Variants in ZHX2 observed in about 807,000 individuals in gnomAD.
ZHX2 encodes zinc fingers and homeoboxes 2, also known as zinc fingers and homeoboxes protein 2.
A neutral mutation model predicts 21.9 loss-of-function variants in ZHX2; 6 were observed. The ratio of observed to expected loss-of-function variants is 0.27; its 90% CI spans 0.15 to 0.54. ZHX2 has a LOEUF of 0.54. Ranked by LOEUF, ZHX2 falls within the 20% of genes least tolerant of loss-of-function variation. The probability of loss-of-function intolerance (pLI) is 0.95; values close to 1 mark genes in which losing one functional copy is unlikely to be tolerated. For synonymous variants in ZHX2, 434 were observed against 437.1 expected, an observed-to-expected ratio of 0.99 and a Z score of 0.09; for missense variants, 908 against 1,090.7, an observed-to-expected ratio of 0.83 and a Z score of 2.36.
At chr8:122,916,101 T>C (rs960009862) in intron 2 of ZHX2, among the ~76,000 whole-genome samples, 1 of 152,214 alleles carries the variant, frequency 6.6e-6, no homozygotes, top group Non-Finnish European at 1.5e-5. Flanking sequence ...GAAGTGCAAA[T>C]GGCAGGTGTT....
In ZHX2 at chr8:122,782,703, G is replaced by T. The variant is rs1332756027; in HGVS notation, c.-283+757G>T. ...GGAGCGCGGCGCTGTCCTCACCCCC[G>T]CTCAGGTGCAGGGGGAGTCCGCGCG... On this transcript the variant is annotated intron_variant, in intron 1 of 3. Transcript: ENST00000314393. The surrounding 1 kb of genome is among the most constrained non-coding windows in gnomAD (Gnocchi z 5.3). Among the ~76,000 whole-genome samples, 2 of 152,052 alleles carry T rather than the reference G, an allele frequency of 1.3e-5. No individual in the cohort carries two copies. The highest frequency in any genetic ancestry group is 4.8e-5 in the African/African-American group (2 of 41,438).
intron 1 of ZHX2, among the ~76,000 whole-genome samples, chr8:122,846,619 T>C (rs1386142085): frequency 2.7e-5 from 4 of 150,390 alleles, no homozygotes; most frequent in Admixed American, 6.6e-5. Context: ...GTGATTCTCT[T>C]TTTTTTTTAA....
chr8:122,892,457 C>T (rs1243260548), intron 2 of ZHX2, among the ~76,000 whole-genome samples: 1 of 152,070 alleles, frequency 6.6e-6, no homozygotes, highest in Non-Finnish European at 1.5e-5. Flanking sequence ...TGACTCCCAT[C>T]ATTTTGTTAA....
chr8:122,842,863 A>C (rs1818670424), intron 1 of ZHX2, among the ~76,000 whole-genome samples: 1 of 152,250 alleles, frequency 6.6e-6, no homozygotes, highest in Non-Finnish European at 1.5e-5. Flanking sequence ...TGGGGTTCTC[A>C]AACTCAGTGG....
Position 122,847,086 on chromosome 8 carries a change from C to T in ZHX2, c.-282-16391C>T, listed in dbSNP as rs139556137. 2.6e-5 allele frequency among the ~76,000 whole-genome samples: 4 copies of T among 152,270 alleles called. No individual in the cohort carries two copies. The East Asian group carries it at 7.7e-4, about 29-fold the overall frequency. Reference sequence around the variant, plus strand: ...TGAGGCATGATGAGGCTGTGATGTCCCCACGCTCAGTAGTGGAATCAATTT... The same window carrying T: ...TGAGGCATGATGAGGCTGTGATGTCTCCACGCTCAGTAGTGGAATCAATTT... On this transcript the variant is annotated intron_variant, in intron 1 of 3. Transcript: ENST00000314393.
chr8:122,943,190 G>A (rs1044959716), intron 2 of ZHX2, among the ~76,000 whole-genome samples: 3 of 152,086 alleles, frequency 2.0e-5, no homozygotes, highest in African/African-American at 4.8e-5. Flanking sequence ...TGAGCCCGGA[G>A]TGTGGAGGTT....
intron 3 of ZHX2, among the ~76,000 whole-genome samples, chr8:122,959,198 CCTGATGATTAGGGATGA>C (rs1456726530): frequency 1.3e-5 from 2 of 152,174 alleles, no homozygotes; most frequent in East Asian, 3.8e-4. Context: ...GTTTCCAACT[CCTGATGATTAGGGATGA>C]CTTTGGAGAA....
chr8:122,812,092 G>A (rs899139302), intron 1 of ZHX2: 14 of 152,228 alleles, frequency 9.2e-5, no homozygotes, highest in Admixed American at 7.2e-4. Flanking sequence ...CCTTAGACTC[G>A]AGGGAAGTGG....
intron 2 of ZHX2, among the ~76,000 whole-genome samples, chr8:122,906,947 A>T (rs996614602): frequency 6.6e-6 from 1 of 152,134 alleles, no homozygotes; most frequent in Non-Finnish European, 1.5e-5. Context: ...CTGGGATTAC[A>T]GGCATGAGCC....
chr8:122,879,256 G>C (rs950753376), intron 2 of ZHX2, among the ~76,000 whole-genome samples: 2 of 152,092 alleles, frequency 1.3e-5, no homozygotes, highest in Non-Finnish European at 2.9e-5. Flanking sequence ...CACCAGGCTG[G>C]AGTGCAGTGG....
chr8:122,951,728 A>T lies in ZHX2; in HGVS notation c.218A>T (p.Lys73Ile), dbSNP rs748731407. 2.7e-5 allele frequency: 43 copies of T among 1,613,902 alleles called. No individual in the cohort carries two copies. Among genetic ancestry groups the T allele is most frequent in the Non-Finnish European group, 3.6e-5 (42 of 1,180,010 alleles). The part of the protein sequence containing the change: ...VKSMGESQSK[K>I]LQGGYECKYC... ...TCTATGGGGGAAAGCCAGTCCAAAA[A>T]ACTCCAAGGTGGTTATGAGTGCAAA... is the stretch of plus-strand genomic sequence containing the variant. Residue 73 changes from lysine (K) to isoleucine (I), a missense_variant, in exon 3 of 4, where the codon AAA becomes ATA. Lys to Ile is a moderately radical substitution (Grantham distance 102). This residue lies in a region of ZHX2 where 220 missense variants were observed against 251.4 expected (regional missense o/e 0.88). Transcript: ENST00000314393.
chr8:122,967,487 C>A (rs1813612183), intron 3 of ZHX2, among the ~76,000 whole-genome samples: 1 of 152,202 alleles, frequency 6.6e-6, no homozygotes, highest in South Asian at 2.1e-4. Flanking sequence ...TGTAAAGAGT[C>A]CTGTGATATG....
rs543281088 is a variant in ZHX2, at chr8:122,857,762, T to A, written c.-282-5715T>A. ...TTCTACTCTTATGACTCTGGGCAACTTTTTTAATCTCGCAGGTTCAGGTTT... is the reference window on the plus strand; with the variant it reads ...TTCTACTCTTATGACTCTGGGCAACATTTTTAATCTCGCAGGTTCAGGTTT... On this transcript the variant is annotated intron_variant, in intron 1 of 3. Transcript: ENST00000314393. Among the ~76,000 whole-genome samples, 22 of 152,304 alleles carry A rather than the reference T, an allele frequency of 1.4e-4. No homozygotes were observed. In the South Asian group the frequency reaches 4.1e-3, roughly 29 times the overall value.
chr8:122,884,734 G>C (rs560661692), intron 2 of ZHX2, among the ~76,000 whole-genome samples: 5 of 152,306 alleles, frequency 3.3e-5, no homozygotes, highest in African/African-American at 9.6e-5. Flanking sequence ...GGGTGCAGTG[G>C]GCCAAGCAGA....
chr8:122,803,936 T>C (rs1217604417), intron 1 of ZHX2, among the ~76,000 whole-genome samples: 3 of 152,080 alleles, frequency 2.0e-5, no homozygotes, highest in Non-Finnish European at 4.4e-5. Flanking sequence ...GGAGAAGCCA[T>C]TAGATGGAGG....
At position 122,953,485 on chromosome 8, in the gene ZHX2, G is replaced by A. The variant is rs200753877; in HGVS notation, c.1975G>A (p.Asp659Asn). 5.0e-6 allele frequency: 8 copies of A among 1,614,172 alleles called. No homozygotes were observed. In the East Asian group the frequency reaches 6.7e-5, roughly 13 times the overall value. ...RTQWPTPQEYDQLAAKTGLVR... is the reference protein window; with the variant it reads ...RTQWPTPQEYNQLAAKTGLVR... ...CCAGTGGCCTACTCCCCAGGAGTACGACCAGTTAGCGGCCAAGACTGGCCT... is the reference window on the plus strand; with the variant it reads ...CCAGTGGCCTACTCCCCAGGAGTACAACCAGTTAGCGGCCAAGACTGGCCT... The change falls in exon 3 of 4, where the codon GAC becomes AAC. Residue 659 changes from aspartate to asparagine, a missense_variant. By Grantham distance (23) the Asp-to-Asn change is conservative. Transcript: ENST00000314393. The surrounding 1 kb of genome is among the most constrained non-coding windows in gnomAD (Gnocchi z 4.6).
chr8:122,973,241 G>A lies in ZHX2; in HGVS notation c.*5-1G>A, dbSNP rs1446869289. The A allele has an allele frequency of 6.6e-6, 1 of 152,434 alleles. No individual in the cohort carries two copies. The highest frequency in any genetic ancestry group is 2.4e-5 in the African/African-American group (1 of 41,442). 9.4% of individuals were successfully genotyped at this position (152,434 alleles called of 1,614,324 possible). On this transcript the variant is annotated splice_acceptor_variant, in intron 3 of 3. Coordinates refer to ENST00000314393, the MANE Select transcript of ZHX2 (RefSeq NM_014943.5). LOFTEE classifies it low-confidence loss of function (3UTR_SPLICE). ...TGACTCTGTGGTTTTGTGTCTTCTAGGGAAGTCTGTTAGAACTGCTGTGCT... is the reference window on the plus strand; with the variant it reads ...TGACTCTGTGGTTTTGTGTCTTCTAAGGAAGTCTGTTAGAACTGCTGTGCT...
chr8:122,817,411 T>C (rs1032336242), intron 1 of ZHX2, among the ~76,000 whole-genome samples: 6 of 152,106 alleles, frequency 3.9e-5, no homozygotes, highest in East Asian at 1.9e-4. Context: ...GAGGAATGCA[T>C]TGGGGAGCTT....
At chr8:122,940,984 C>G (rs1246518249) in intron 2 of ZHX2, among the ~76,000 whole-genome samples, 1 of 151,542 alleles carries the variant, frequency 6.6e-6, no homozygotes, top group Non-Finnish European at 1.5e-5. Flanking sequence ...AATCCCAGCA[C>G]CTTGGGAGGC....
Sources: allele counts gnomAD v4.1 joint callset (sites outside exome capture counted in the v4.1 genomes callset), GRCh38; gene constraint gnomAD v4.1.1; regional missense constraint gnomAD v4.1.1; non-coding constraint Gnocchi (gnomAD v3.1); transcripts MANE v1.5; gene names NCBI Gene and HGNC (gene_info 2026-07-23, HGNC 2026-07-21).